COL4A1: variants seen among roughly 807,000 people sequenced by gnomAD.
COL4A1 encodes collagen type IV alpha 1 chain.
A neutral mutation model predicts 216.6 loss-of-function variants in COL4A1; 40 were observed. The ratio of observed to expected loss-of-function variants is 0.18; its 90% CI spans 0.14 to 0.24. The LOEUF is 0.24. COL4A1 is among the 10% of genes least tolerant of loss of function. The pLI, the probability that COL4A1 is intolerant of heterozygous loss-of-function variation, is 1.00. For missense variants in COL4A1, 1,628 were observed against 2,196.8 expected, an observed-to-expected ratio of 0.74 and a Z score of 5.18; for synonymous variants, 839 against 810.7, an observed-to-expected ratio of 1.03 and a Z score of -0.59.
chr13:110,185,404 A>G (rs889366999), intron 26 of COL4A1, among the ~76,000 whole-genome samples: 2 of 152,218 alleles, frequency 1.3e-5, no homozygotes, highest in African/African-American at 4.8e-5. Flanking sequence ...TCTGCCTCCC[A>G]AAGTGCTGGG....
At chr13:110,250,680 G>A (rs779929235) in intron 1 of COL4A1, among the ~76,000 whole-genome samples, 6 of 152,146 alleles carry the variant, frequency 3.9e-5, no homozygotes, top group Non-Finnish European at 8.8e-5. Context: ...TGTGTGAAAT[G>A]AGTTGGTGGG....
At chr13:110,156,304 C>T (rs1002028505) in intron 49 of COL4A1, among the ~76,000 whole-genome samples, 1 of 152,226 alleles carries the variant, frequency 6.6e-6, no homozygotes, top group Admixed American at 6.5e-5. Flanking sequence ...CCAAGAGCTA[C>T]TCCTTCTGGA....
At chr13:110,177,188 G>T in intron 33 of COL4A1, 151 bp from the exon 34 acceptor site, 1 of 1,356,394 alleles carries the variant, frequency 7.4e-7, no homozygotes, top group Non-Finnish European at 1.0e-6. Context: ...GCCAGTGTCT[G>T]AGACACAGAA....
intron 50 of COL4A1, 150 bp from the exon 51 acceptor site, chr13:110,152,656 C>A: frequency 9.7e-7 from 1 of 1,032,950 alleles, no homozygotes; most frequent in Non-Finnish European, 1.4e-6. Context: ...ACTCTGTGCC[C>A]AAATTATCGG....
intron 2 of COL4A1, among the ~76,000 whole-genome samples, chr13:110,215,675 T>C (rs1470343162): frequency 6.6e-6 from 1 of 152,168 alleles, no homozygotes; most frequent in African/African-American, 2.4e-5. Flanking sequence ...GTAGATTCAG[T>C]AACCATTGTT....
At chr13:110,277,225 A>G (rs1359212826) in intron 1 of COL4A1, among the ~76,000 whole-genome samples, 1 of 152,218 alleles carries the variant, frequency 6.6e-6, no homozygotes, top group Non-Finnish European at 1.5e-5. Context: ...TTTTTATTGG[A>G]TATTTCTGTA....
At chr13:110,242,191 T>C (rs1881598833) in intron 2 of COL4A1, among the ~76,000 whole-genome samples, 1 of 152,208 alleles carries the variant, frequency 6.6e-6, no homozygotes, top group Admixed American at 6.5e-5. Flanking sequence ...AAATACATTT[T>C]AATTTTACAT....
rs1883112873 is a variant in COL4A1 at position 110,268,187 on chromosome 13, A to G, written c.85-25453T>C. Among the ~76,000 whole-genome samples, 1 of 152,242 alleles carries G rather than the reference A, an allele frequency of 6.6e-6. No homozygotes were observed. The highest frequency in any genetic ancestry group is 6.5e-5 in the Admixed American group (1 of 15,284). On this transcript the variant is annotated intron_variant, in intron 1 of 51. Coordinates refer to ENST00000375820, the MANE Select transcript of COL4A1 (RefSeq NM_001845.6). The surrounding 1 kb of genome is among the most constrained non-coding windows in gnomAD (Gnocchi z 4.1). ...ATAAAGACAAGGGGCCAGGTTCAGC[A>G]GGGCCGATGCCAACTGTGTCCTGCC...
At chr13:110,280,618 A>G (rs1407975473) in intron 1 of COL4A1, among the ~76,000 whole-genome samples, 2 of 152,264 alleles carry the variant, frequency 1.3e-5, no homozygotes, top group African/African-American at 4.8e-5. Context: ...CTCTGAAGAC[A>G]GAGGACAATC....
intron 4 of COL4A1, 40 bp downstream of exon 4, chr13:110,213,742 A>T: frequency 6.2e-7 from 1 of 1,605,960 alleles, no homozygotes; most frequent in Non-Finnish European, 8.5e-7. Context: ...GGCCTGTCCC[A>T]CGCATGGAAT....
rs56086913 is a variant in COL4A1 at position 110,247,790 on chromosome 13, CGTGTGTGTGTGTGTGT to C, written c.85-5072_85-5057del. On this transcript the variant is annotated intron_variant, in intron 1 of 51. Transcript: ENST00000375820. ...GAAGAATACCAGCTGCTATGCTACT[CGTGTGTGTGTGTGTGT>C]GTGTGTGTGTGTGTGTGTGTGTGTG... 1.7e-4 allele frequency among the ~76,000 whole-genome samples: 10 copies of C among 57,766 alleles called. No homozygotes were observed. The East Asian group carries it at 2.5e-3, about 15-fold the overall frequency. The allele number at this position is 57,766 out of a possible 152,430, so 37.9% of individuals were successfully genotyped here. A position where few individuals can be genotyped will look rare whatever the true frequency, so the allele number is the denominator to read the frequency against.
At position 110,288,188 on chromosome 13, in the gene COL4A1, C is replaced by T. The variant is rs536108636; in HGVS notation, c.84+18756G>A. Among the ~76,000 whole-genome samples the T allele has an allele frequency of 1.2e-3, 183 of 151,152 alleles. 1 individual carries two copies. The highest frequency in any genetic ancestry group is 9.9e-4 in the Non-Finnish European group (67 of 67,862). On this transcript the variant is annotated intron_variant, in intron 1 of 51. Transcript: ENST00000375820. ...CTAAGGCAGGAGAATAACTTGAACA[C>T]GGGAGGCAGAGGTTGCAGTGAGCCG...
rs190858535 is a variant in COL4A1, at chr13:110,296,196, G to A, written c.84+10748C>T. Among the ~76,000 whole-genome samples the A allele has an allele frequency of 2.0e-3, 298 of 152,318 alleles. 2 individuals are homozygous for A. Among genetic ancestry groups the A allele is most frequent in the South Asian group, 0.012 (58 of 4,830 alleles). ...CTACGGAGATTCTGCCACCACCTAC[G>A]CGAAACCACGGCAACGTGCCTTGTT... On this transcript the variant is annotated intron_variant, in intron 1 of 51. Transcript: ENST00000375820.
In COL4A1 at chr13:110,183,017, A is replaced by G; in HGVS notation, c.2071T>C (p.Phe691Leu). Residue 691 changes from phenylalanine to leucine, a missense_variant, in exon 28 of 52, where the codon TTT becomes CTT. This residue lies in a region of COL4A1 where 701 missense variants were observed against 892.5 expected (regional missense o/e 0.79). Coordinates refer to ENST00000375820, the MANE Select transcript of COL4A1 (RefSeq NM_001845.6). ...CCTTTGGGGCCGGGGGGCCCTGGAA[A>G]TCCAATGCCTGGCTGGCCCACAGCG... Reference protein sequence around the residue: ...KGAVGQPGIGFPGPPGPKGVD... With the variant: ...KGAVGQPGIGLPGPPGPKGVD... 1.2e-6 allele frequency: 2 copies of G among 1,613,110 alleles called. No individual in the cohort carries two copies. The highest frequency in any genetic ancestry group is 1.7e-6 in the Non-Finnish European group (2 of 1,179,866).
At chr13:110,279,080 C>T (rs906273911) in intron 1 of COL4A1, among the ~76,000 whole-genome samples, 3 of 152,104 alleles carry the variant, frequency 2.0e-5, no homozygotes, top group Admixed American at 1.3e-4. Context: ...TGTTTCGAGT[C>T]GGCCACAGGT....
intron 50 of COL4A1, among the ~76,000 whole-genome samples, chr13:110,154,917 T>C (rs1232291566): frequency 1.3e-5 from 2 of 152,226 alleles, no homozygotes; most frequent in Non-Finnish European, 2.9e-5. Context: ...GCTGGTTGTA[T>C]GGAGAAGCTG....
At chr13:110,282,343 A>G (rs978469434) in intron 1 of COL4A1, among the ~76,000 whole-genome samples, 5 of 152,144 alleles carry the variant, frequency 3.3e-5, no homozygotes, top group African/African-American at 7.2e-5. Context: ...CTGGCACATC[A>G]AGGGAAGCTG....
rs759141642 is a variant in COL4A1 at position 110,152,335 on chromosome 13, T to C, written c.4927A>G (p.Lys1643Glu). The change falls in exon 51 of 52, where the codon AAG becomes GAG. Residue 1643 changes from lysine (K) to glutamate (E), a missense_variant and splice_region_variant. Coordinates refer to ENST00000375820, the MANE Select transcript of COL4A1 (RefSeq NM_001845.6). Reference sequence around the variant, plus strand: ...CAAAAAAGCAGTGCTCCCACTTACTTGAACATCTCGCTCCTCTCTATGGTG... The same window carrying C: ...CAAAAAAGCAGTGCTCCCACTTACTCGAACATCTCGCTCCTCTCTATGGTG... ...LATIERSEMF[K>E]KPTPSTLKAG... The C allele has an allele frequency of 2.9e-5, 47 of 1,614,150 alleles. No individual in the cohort carries two copies. Among genetic ancestry groups the C allele is most frequent in the Non-Finnish European group, 3.7e-5 (44 of 1,180,030 alleles).
intron 1 of COL4A1, among the ~76,000 whole-genome samples, chr13:110,301,830 G>T (rs559556382): frequency 6.6e-6 from 1 of 152,294 alleles, no homozygotes; most frequent in Admixed American, 6.5e-5. Context: ...AACGAGGCCA[G>T]AAAAATTTGA....
Sources: gnomAD v4.1 joint callset for allele counts (sites outside exome capture counted in the v4.1 genomes callset) on GRCh38, gnomAD v4.1.1 for gene constraint, gnomAD v4.1.1 regional missense constraint, Gnocchi (gnomAD v3.1) non-coding constraint, MANE v1.5 for transcripts, NCBI Gene and HGNC (gene_info 2026-07-23, HGNC 2026-07-21) for gene names.